Variants in FOXP1 observed in about 807,000 individuals in gnomAD.
FOXP1 encodes the protein forkhead box P1.
In FOXP1, 15 loss-of-function variants were observed where a neutral mutation model predicts 98.2. That is an observed-to-expected ratio of 0.15 (90% confidence interval 0.10 to 0.24). The LOEUF is 0.24. Among genes scored for constraint, FOXP1 ranks in the 10% least tolerant of loss-of-function variants. The pLI is 1.00. For missense variants in FOXP1, 633 were observed against 848.5 expected, an observed-to-expected ratio of 0.75 and a Z score of 3.15; for synonymous variants, 371 against 314.5, an observed-to-expected ratio of 1.18 and a Z score of -1.90.
intron 5 of FOXP1, among the ~76,000 whole-genome samples, chr3:71,242,632 A>ATTAT (rs1353057156): frequency 6.6e-6 from 1 of 152,176 alleles, no homozygotes; most frequent in Non-Finnish European, 1.5e-5. Flanking sequence ...GGAGGCTCAC[A>ATTAT]TGTGAAAAAG....
chr3:70,987,440 G>A (rs2039934779), intron 14 of FOXP1, among the ~76,000 whole-genome samples: 1 of 152,172 alleles, frequency 6.6e-6, no homozygotes, highest in South Asian at 2.1e-4. Context: ...TAACTGTGAA[G>A]GAATAATTTT....
intron 4 of FOXP1, among the ~76,000 whole-genome samples, chr3:71,335,765 G>A (rs562412917): frequency 2.0e-5 from 3 of 152,190 alleles, no homozygotes; most frequent in South Asian, 4.1e-4. Flanking sequence ...AGCACTTTGG[G>A]AGGCCGAGGC....
chr3:71,113,881 G>A (rs900149848), intron 6 of FOXP1, among the ~76,000 whole-genome samples: 1 of 152,058 alleles, frequency 6.6e-6, no homozygotes, highest in African/African-American at 2.4e-5. Context: ...ATGGCACTAG[G>A]ACCAGCAACA....
At position 71,315,112 on chromosome 3, in the gene FOXP1, G is replaced by GAAA. The variant is rs2074993170; in HGVS notation, c.-72-15235_-72-15233dup. Among the ~76,000 whole-genome samples the GAAA allele has an allele frequency of 2.8e-4, 27 of 95,610 alleles. 1 individual carries two copies. The highest frequency in any genetic ancestry group is 1.1e-3 in the African/African-American group (26 of 23,418). 62.7% of individuals were successfully genotyped at this position (95,610 alleles called of 152,430 possible). A position where few individuals can be genotyped will look rare whatever the true frequency, so the allele number is the denominator to read the frequency against. ...AAAAAAAAAAAAAAAAAAAAAGAAA[G>GAAA]AAAGAAAAAGAAAAGAAAAAGCTCA... On this transcript the variant is annotated intron_variant, in intron 4 of 20. Coordinates refer to ENST00000649528, the MANE Select transcript of FOXP1 (RefSeq NM_001349338.3).
At chr3:71,392,527 A>C (rs2081106718) in intron 3 of FOXP1, among the ~76,000 whole-genome samples, 1 of 152,228 alleles carries the variant, frequency 6.6e-6, no homozygotes. Flanking sequence ...TCTGTGTATA[A>C]ATGCTAACTT....
chr3:70,956,752 T>TAAAG lies in FOXP1; in HGVS notation c.*2494_*2495insCTTT, dbSNP rs1339736720. The TAAAG allele has an allele frequency of 5.3e-6, 1 of 187,190 alleles. No homozygotes were observed. Among genetic ancestry groups the TAAAG allele is most frequent in the African/African-American group, 2.9e-5 (1 of 34,838 alleles). 11.6% of individuals were successfully genotyped at this position (187,190 alleles called of 1,614,324 possible). ...GAAAAGTTTTTTTTTTTTTTTTTTT[T>TAAAG]TTTTTTTTTTTTTTTTTTTTTAAAG... On this transcript the variant is annotated 3_prime_UTR_variant, in exon 21 of 21. Transcript: ENST00000649528.
chr3:70,998,820 G>T (rs139292474), intron 13 of FOXP1, among the ~76,000 whole-genome samples: 22 of 152,290 alleles, frequency 1.4e-4, no homozygotes, highest in African/African-American at 5.1e-4. Context: ...ACTGATGATG[G>T]TCTAAATCTT....
At chr3:71,382,416 T>C (rs901208034) in intron 3 of FOXP1, among the ~76,000 whole-genome samples, 3 of 152,154 alleles carry the variant, frequency 2.0e-5, no homozygotes, top group Admixed American at 6.5e-5. Context: ...CAGAAGTTGA[T>C]TGCACCCCAG....
chr3:70,976,786 C>T (rs750118165), intron 17 of FOXP1, among the ~76,000 whole-genome samples, 155 bp downstream of exon 17: 2 of 152,188 alleles, frequency 1.3e-5, no homozygotes, highest in African/African-American at 4.8e-5. Context: ...CACAATGGCA[C>T]TATTTTCCCA....
chr3:71,352,188 G>A (rs953489082), intron 4 of FOXP1, among the ~76,000 whole-genome samples: 1 of 152,130 alleles, frequency 6.6e-6, no homozygotes, highest in South Asian at 2.1e-4. Flanking sequence ...GGGTACGGCT[G>A]GGTGTGGTCA....
intron 19 of FOXP1, among the ~76,000 whole-genome samples, chr3:70,967,700 G>GTTTTTTTTTTTTTTTTTTT (rs1553657848): frequency 1.1e-4 from 7 of 63,638 alleles, no homozygotes; most frequent in East Asian, 5.1e-4. Context: ...TTTTTTTTTT[G>GTTTTTTTTTTTTTTTTTTT]TTTTTTTTTG....
At chr3:71,317,312 T>C (rs2075134051) in intron 4 of FOXP1, among the ~76,000 whole-genome samples, 1 of 152,214 alleles carries the variant, frequency 6.6e-6, no homozygotes, top group African/African-American at 2.4e-5. Context: ...CTGGCTGACA[T>C]GACGCCACGC....
intron 4 of FOXP1, among the ~76,000 whole-genome samples, chr3:71,316,956 A>AG (rs2075117548): frequency 6.6e-6 from 1 of 152,146 alleles, no homozygotes; most frequent in South Asian, 2.1e-4. Context: ...GCGCCTGGCC[A>AG]GGGCAAATTC....
At chr3:71,074,459 T>G (rs2053594369) in intron 7 of FOXP1, among the ~76,000 whole-genome samples, 1 of 152,128 alleles carries the variant, frequency 6.6e-6, no homozygotes, top group Non-Finnish European at 1.5e-5. Context: ...ACTCCTAATC[T>G]CAGGTGATTC....
At chr3:71,169,495 C>T (rs1314614135) in intron 6 of FOXP1, among the ~76,000 whole-genome samples, 1 of 152,178 alleles carries the variant, frequency 6.6e-6, no homozygotes, top group African/African-American at 2.4e-5. Context: ...ATTCTAGCCT[C>T]ATGTTCCTTT....
chr3:71,340,639 C>A (rs750564824), intron 4 of FOXP1, among the ~76,000 whole-genome samples: 4 of 152,176 alleles, frequency 2.6e-5, no homozygotes, highest in Non-Finnish European at 4.4e-5. Context: ...AAACAATGAT[C>A]TGGGTAAATC....
chr3:71,228,833 A>G (rs989334752), intron 5 of FOXP1, among the ~76,000 whole-genome samples: 5 of 152,236 alleles, frequency 3.3e-5, no homozygotes, highest in Admixed American at 1.3e-4. Context: ...TATGGTACAA[A>G]ATGGAAAAAG....
chr3:71,390,391 C>A (rs561354083), intron 3 of FOXP1, among the ~76,000 whole-genome samples: 1 of 152,122 alleles, frequency 6.6e-6, no homozygotes, highest in Non-Finnish European at 1.5e-5. Context: ...TATCTCAGTG[C>A]GACATGCAAC....
At chr3:71,385,782 C>A (rs978528227) in intron 3 of FOXP1, among the ~76,000 whole-genome samples, 3 of 152,078 alleles carry the variant, frequency 2.0e-5, no homozygotes, top group African/African-American at 7.2e-5. Context: ...TGATTTATAT[C>A]GTGGTCTCCT....
Sources: gnomAD v4.1 joint callset for allele counts (sites outside exome capture counted in the v4.1 genomes callset) on GRCh38, gnomAD v4.1.1 for gene constraint, MANE v1.5 for transcripts, NCBI Gene and HGNC (gene_info 2026-07-23, HGNC 2026-07-21) for gene names.